The following PKD2L2 variants were observed in gnomAD, a reference collection of about 807,000 sequenced individuals.
PKD2L2 encodes polycystin-2-like protein 2.
A neutral mutation model predicts 83.9 loss-of-function variants in PKD2L2; 67 were observed. The observed-to-expected ratio is 0.80, with a 90% CI of 0.66 to 0.98. The LOEUF (loss-of-function observed/expected upper bound fraction) is 0.98. Among genes scored for constraint, PKD2L2 ranks in the 50% least tolerant of loss-of-function variants. The pLI is 0.00. For synonymous variants in PKD2L2, 223 were observed against 237.8 expected (o/e 0.94, Z 0.57); for missense variants, 632 against 717.2 (o/e 0.88, Z 1.36).
At chr5:137,908,650 T>C in intron 7 of PKD2L2, 115 bp from the exon 8 acceptor site, 1 of 594,262 alleles carries the variant, frequency 1.7e-6, no homozygotes, top group Non-Finnish European at 2.9e-6. Flanking sequence ...CAAACACCCA[T>C]GATTATCATT....
chr5:137,936,605 G>A (rs1420864226), intron 14 of PKD2L2, 178 bp downstream of exon 14: 2 of 157,250 alleles, frequency 1.3e-5, no homozygotes, highest in Non-Finnish European at 1.4e-5. Context: ...ACAGGCATCC[G>A]CCACCGTGCC....
At chr5:137,913,554 C>T (rs888746513) in intron 8 of PKD2L2, among the ~76,000 whole-genome samples, 1 of 143,792 alleles carries the variant, frequency 7.0e-6, no homozygotes, top group African/African-American at 2.6e-5. Context: ...GCAATGGTGC[C>T]ATCTCAGCTC....
intron 12 of PKD2L2, 101 bp from the exon 13 acceptor site, chr5:137,935,693 AGAG>A (rs1268593257): frequency 9.2e-6 from 6 of 650,838 alleles, no homozygotes; most frequent in Non-Finnish European, 1.3e-5. Flanking sequence ...TGAGGGCTGG[AGAG>A]GAGAACAGCT....
Position 137,925,902 on chromosome 5 carries a change from A to C in PKD2L2, c.1644A>C (p.Gln548His). Residue 548 changes from glutamine (Q) to histidine (H), a missense_variant, in exon 12 of 15, where the codon CAA becomes CAC. Coordinates refer to ENST00000508883, the MANE Select transcript of PKD2L2 (RefSeq NM_001300921.2). Reference protein sequence around the residue: ...KTKGSGDLAEQARREGFDENE... With the variant: ...KTKGSGDLAEHARREGFDENE... ...AAGGCAGCGGAGATTTGGCTGAACA[A>C]GCCAGAAGAGAAGGCTTTGACGAAA... 6.3e-7 allele frequency: 1 copy of C among 1,598,644 alleles called. No individual in the cohort carries two copies. The highest frequency in any genetic ancestry group is 8.6e-7 in the Non-Finnish European group (1 of 1,167,950).
At chr5:137,921,229 T>C (rs1758864162) in intron 8 of PKD2L2, among the ~76,000 whole-genome samples, 1 of 151,880 alleles carries the variant, frequency 6.6e-6, no homozygotes, top group African/African-American at 2.4e-5. Flanking sequence ...GGCATGGTGG[T>C]GCACACCTGT....
intron 8 of PKD2L2, among the ~76,000 whole-genome samples, chr5:137,920,321 T>C (rs983980430): frequency 6.6e-6 from 1 of 152,198 alleles, no homozygotes; most frequent in Non-Finnish European, 1.5e-5. Flanking sequence ...TAAAATAAGA[T>C]TTTCAAGTTA....
intron 14 of PKD2L2, among the ~76,000 whole-genome samples, chr5:137,937,054 T>C (rs1172696985): frequency 6.6e-6 from 1 of 152,198 alleles, no homozygotes; most frequent in Non-Finnish European, 1.5e-5. Context: ...AGAAAGACAG[T>C]TTTCTCATAG....
chr5:137,922,392 A>G (rs1359546113), intron 9 of PKD2L2, among the ~76,000 whole-genome samples: 1 of 152,206 alleles, frequency 6.6e-6, no homozygotes, highest in Admixed American at 6.5e-5. Flanking sequence ...CAGGAGCTGT[A>G]GTAAGACTGT....
intron 1 of PKD2L2, 200 bp from the exon 2 acceptor site, chr5:137,890,281 C>CAA (rs890405684): frequency 7.4e-6 from 3 of 403,288 alleles, no homozygotes; most frequent in Admixed American, 4.9e-5. Context: ...GACTCCGTCT[C>CAA]AAAAAAAAAA....
intron 11 of PKD2L2, among the ~76,000 whole-genome samples, 190 bp downstream of exon 11, chr5:137,925,294 G>A (rs1044390751): frequency 3.3e-5 from 5 of 152,130 alleles, no homozygotes; most frequent in African/African-American, 1.2e-4. Context: ...TTACAGGCGT[G>A]AGCCACCGTG....
intron 9 of PKD2L2, 121 bp from the exon 10 acceptor site, chr5:137,923,299 G>A (rs1456433228): frequency 5.3e-6 from 3 of 565,302 alleles, no homozygotes; most frequent in Admixed American, 6.2e-5. Context: ...ACAGGCGTGA[G>A]CCACCGCACC....
chr5:137,919,782 T>C (rs948937626), intron 8 of PKD2L2, among the ~76,000 whole-genome samples: 13 of 152,240 alleles, frequency 8.5e-5, no homozygotes, highest in Admixed American at 8.5e-4. Context: ...GGACTTCATG[T>C]AGCCCATTTC....
At chr5:137,930,507 T>A (rs1759778221) in intron 12 of PKD2L2, among the ~76,000 whole-genome samples, 1 of 151,428 alleles carries the variant, frequency 6.6e-6, no homozygotes, top group African/African-American at 2.4e-5. Flanking sequence ...CCCATCTCTA[T>A]TAAAAATACA....
chr5:137,930,162 T>A (rs1279611522), intron 12 of PKD2L2, among the ~76,000 whole-genome samples: 1 of 152,168 alleles, frequency 6.6e-6, no homozygotes, highest in East Asian at 1.9e-4. Flanking sequence ...TATATTAAGT[T>A]CTGTACTCTC....
chr5:137,909,079 C>A (rs1348787087), intron 8 of PKD2L2, 133 bp downstream of exon 8: 11 of 585,914 alleles, frequency 1.9e-5, no homozygotes, highest in Middle Eastern at 4.5e-4. Context: ...TTTTCTTTTT[C>A]TTTTTATTTT....
chr5:137,896,740 T>C (rs945991505), intron 4 of PKD2L2, among the ~76,000 whole-genome samples: 5 of 152,008 alleles, frequency 3.3e-5, no homozygotes, highest in Non-Finnish European at 7.4e-5. Context: ...TGGAAGGTGA[T>C]GCGTCATATA....
At chr5:137,922,282 A>G (rs2150045844) in intron 9 of PKD2L2, among the ~76,000 whole-genome samples, 1 of 152,362 alleles carries the variant, frequency 6.6e-6, no homozygotes, top group South Asian at 2.1e-4. Context: ...CTGGTGACAG[A>G]CAAGAGTCTT....
At chr5:137,941,458 T>C (rs1761810184) in intron 14 of PKD2L2, among the ~76,000 whole-genome samples, 1 of 152,162 alleles carries the variant, frequency 6.6e-6, no homozygotes. Context: ...CATTACCTAG[T>C]TAGATAAAGG....
intron 8 of PKD2L2, among the ~76,000 whole-genome samples, chr5:137,918,824 C>T (rs1326766317): frequency 6.7e-6 from 1 of 148,748 alleles, no homozygotes; most frequent in East Asian, 2.0e-4. Flanking sequence ...TCCCATGGTT[C>T]TCTTCCACCT....
Sources: allele counts gnomAD v4.1 joint callset (sites outside exome capture counted in the v4.1 genomes callset), GRCh38; gene constraint gnomAD v4.1.1; transcripts MANE v1.5; gene names NCBI Gene and HGNC (gene_info 2026-07-23, HGNC 2026-07-21).